CCL18: variants seen among roughly 807,000 people sequenced by gnomAD.
CCL18 encodes the protein C-C motif chemokine ligand 18.
A neutral mutation model predicts 8.0 loss-of-function variants in CCL18; 7 were observed. The ratio of observed to expected loss-of-function variants is 0.87; its 90% CI spans 0.50 to 1.64. CCL18 has a LOEUF of 1.64. Ranked by LOEUF, CCL18 falls within the 40% of genes most tolerant of loss-of-function variation. The pLI is 0.00. For missense variants in CCL18, 95 were observed against 107.8 expected (o/e 0.88, Z 0.52); for synonymous variants, 35 against 41.3 (o/e 0.85, Z 0.59).
At chr17:36,069,019 T>TA (rs144277762) in intron 1 of CCL18, among the ~76,000 whole-genome samples, 11,202 of 148,822 alleles carry the variant, frequency 0.075, 1,231 homozygotes, top group African/African-American at 0.25. Flanking sequence ...CCAGCTACTT[T>TA]AAAAAAAAAA....
intron 1 of CCL18, among the ~76,000 whole-genome samples, chr17:36,066,839 A>C (rs554524420): frequency 6.7e-4 from 102 of 152,360 alleles, no homozygotes; most frequent in African/African-American, 2.4e-3. Flanking sequence ...GAAAAGGACC[A>C]TTACATCGTG....
chr17:36,064,607 T>C (rs957941730), intron 1 of CCL18, among the ~76,000 whole-genome samples, 198 bp downstream of exon 1: 3 of 152,220 alleles, frequency 2.0e-5, no homozygotes, highest in Non-Finnish European at 4.4e-5. Context: ...AGAGAAGTTT[T>C]ATCCTACTGA....
Position 36,064,331 on chromosome 17 carries a change from C to T in CCL18, c.-12C>T. 2 of 1,612,804 alleles carry T rather than the reference C, an allele frequency of 1.2e-6. No individual in the cohort carries two copies. The highest frequency in any genetic ancestry group is 1.7e-6 in the Non-Finnish European group (2 of 1,178,812). On this transcript the variant is annotated 5_prime_UTR_variant, in exon 1 of 3. Transcript: ENST00000616054. ...CAGCTCACTCTGACCACTTCTCTGC[C>T]TGCCCAGCATCATGAAGGGCCTTGC...
intron 1 of CCL18, among the ~76,000 whole-genome samples, chr17:36,066,952 A>T (rs1383308290): frequency 1.3e-5 from 2 of 152,188 alleles, no homozygotes; most frequent in East Asian, 1.9e-4. Flanking sequence ...TCAAGAACAG[A>T]TCTATTTGTG....
At chr17:36,065,247 C>T (rs1357568048) in intron 1 of CCL18, among the ~76,000 whole-genome samples, 1 of 152,212 alleles carries the variant, frequency 6.6e-6, no homozygotes, top group African/African-American at 2.4e-5. Context: ...TTCCTGTCCT[C>T]TTAAATTCTT....
intron 2 of CCL18, 40 bp from the exon 3 acceptor site, chr17:36,070,911 T>G (rs983543287): frequency 7.0e-7 from 1 of 1,422,950 alleles, no homozygotes; most frequent in South Asian, 1.1e-5. Flanking sequence ...ATTCCCCTGA[T>G]GAATTCGTCA....
intron 1 of CCL18, among the ~76,000 whole-genome samples, chr17:36,068,355 G>T (rs937161188): frequency 7.9e-5 from 12 of 151,762 alleles, no homozygotes; most frequent in African/African-American, 2.9e-4. Flanking sequence ...CTAGGTTTGG[G>T]TACTAGAATT....
intron 1 of CCL18, among the ~76,000 whole-genome samples, chr17:36,065,625 C>T (rs575237293): frequency 5.9e-5 from 9 of 152,252 alleles, no homozygotes; most frequent in South Asian, 4.1e-4. Flanking sequence ...GTGCCTTAAC[C>T]GTGAGGGAAC....
intron 1 of CCL18, 44 bp downstream of exon 1, chr17:36,064,453 G>A (rs769541673): frequency 2.0e-6 from 3 of 1,480,954 alleles, no homozygotes; most frequent in South Asian, 1.1e-5. Context: ...CTGGGCAGAA[G>A]TCAGGCGACA....
At chr17:36,070,822 C>T (rs531030641) in intron 2 of CCL18, 129 bp from the exon 3 acceptor site, 13 of 776,726 alleles carry the variant, frequency 1.7e-5, no homozygotes, top group African/African-American at 6.9e-5. Context: ...CTGTGAACCC[C>T]GAAGTTAAGG....
chr17:36,064,324 T>A lies in CCL18; in HGVS notation c.-19T>A. 1 of 1,612,096 alleles carries A rather than the reference T, an allele frequency of 6.2e-7. No individual in the cohort carries two copies. The highest frequency in any genetic ancestry group is 1.3e-5 in the African/African-American group (1 of 74,958). ...CAAGCCCCAGCTCACTCTGACCACT[T>A]CTCTGCCTGCCCAGCATCATGAAGG... On this transcript the variant is annotated 5_prime_UTR_variant, in exon 1 of 3. Coordinates refer to ENST00000616054, the MANE Select transcript of CCL18 (RefSeq NM_002988.4).
At chr17:36,068,921 A>G (rs769921725) in intron 1 of CCL18, among the ~76,000 whole-genome samples, 5 of 152,122 alleles carry the variant, frequency 3.3e-5, no homozygotes, top group Non-Finnish European at 7.3e-5. Flanking sequence ...GTGCAGTGGC[A>G]TGATCAGAGC....
chr17:36,069,609 C>A (rs934197095), intron 1 of CCL18, among the ~76,000 whole-genome samples: 9 of 152,298 alleles, frequency 5.9e-5, no homozygotes, highest in Admixed American at 4.6e-4. Context: ...AAACAAAATT[C>A]CTCCTCAGTC....
At chr17:36,064,459 C>T (rs762858470) in intron 1 of CCL18, 50 bp downstream of exon 1, 31 of 1,425,554 alleles carry the variant, frequency 2.2e-5, no homozygotes, top group East Asian at 1.8e-4. Flanking sequence ...AGAAGTCAGG[C>T]GACATCTTCC....
chr17:36,069,197 G>A lies in CCL18; in HGVS notation c.68-1250G>A, dbSNP rs1475017633. Among the ~76,000 whole-genome samples the A allele has an allele frequency of 2.0e-5, 3 of 152,142 alleles. No individual in the cohort carries two copies. In the South Asian group the frequency reaches 6.2e-4, roughly 31 times the overall value. The stretch of plus-strand genomic sequence containing the variant: ...TCTATGCTGTTGGAACAGCTGGGGA[G>A]GCTATCAGAAGGTTCTGCTCAATGG... On this transcript the variant is annotated intron_variant, in intron 1 of 2. Coordinates refer to ENST00000616054, the MANE Select transcript of CCL18 (RefSeq NM_002988.4).
intron 2 of CCL18, 28 bp downstream of exon 2, chr17:36,070,586 TC>T (rs1288856038): frequency 1.5e-6 from 2 of 1,378,974 alleles, no homozygotes; most frequent in South Asian, 2.3e-5. Flanking sequence ...TGCCCACCCC[TC>T]GGGAGGGAGG....
chr17:36,071,302 T>C lies in CCL18; in HGVS notation c.*261T>C. 1 of 466,248 alleles carries C rather than the reference T, an allele frequency of 2.1e-6. No individual in the cohort carries two copies. The highest frequency in any genetic ancestry group is 3.7e-5 in the East Asian group (1 of 27,360). 28.9% of individuals were successfully genotyped at this position (466,248 alleles called of 1,614,324 possible). A position where few individuals can be genotyped will look rare whatever the true frequency, so the allele number is the denominator to read the frequency against. On this transcript the variant is annotated 3_prime_UTR_variant, in exon 3 of 3. Coordinates refer to ENST00000616054, the MANE Select transcript of CCL18 (RefSeq NM_002988.4). Reference sequence around the variant, plus strand: ...CATTGTCTTTATCATCCTTTCCCCTTTCCCTTCAACTCTTCGTACATTCAA... The same window carrying C: ...CATTGTCTTTATCATCCTTTCCCCTCTCCCTTCAACTCTTCGTACATTCAA...
rs2066825315 is a variant in CCL18 at position 36,064,281 on chromosome 17, C to A, written c.-62C>A. The A allele has an allele frequency of 7.9e-7, 1 of 1,267,120 alleles. No homozygotes were observed. Among genetic ancestry groups the A allele is most frequent in the Non-Finnish European group, 1.2e-6 (1 of 863,108 alleles). 78.5% of individuals were successfully genotyped at this position (1,267,120 alleles called of 1,614,324 possible). On this transcript the variant is annotated 5_prime_UTR_variant, in exon 1 of 3. Transcript: ENST00000616054. ...CAACAGCTCATACCCCAGAAGGAGGCCAGGAGTTGTGAGTTTCCAAGCCCC... is the reference window on the plus strand; with the variant it reads ...CAACAGCTCATACCCCAGAAGGAGGACAGGAGTTGTGAGTTTCCAAGCCCC...
chr17:36,065,626 G>A lies in CCL18; in HGVS notation c.67+1217G>A, dbSNP rs141477558. On this transcript the variant is annotated intron_variant, in intron 1 of 2. Coordinates refer to ENST00000616054, the MANE Select transcript of CCL18 (RefSeq NM_002988.4). The stretch of plus-strand genomic sequence containing the variant: ...CAGGAGACAATGGGGTGCCTTAACC[G>A]TGAGGGAACCAGCATCCAGAACCTG... Among the ~76,000 whole-genome samples the A allele has an allele frequency of 3.1e-3, 473 of 152,286 alleles. 3 individuals are homozygous for A. Among genetic ancestry groups the A allele is most frequent in the African/African-American group, 0.011 (458 of 41,566 alleles).
Sources: allele counts gnomAD v4.1 joint callset (sites outside exome capture counted in the v4.1 genomes callset), GRCh38; gene constraint gnomAD v4.1.1; transcripts MANE v1.5; gene names NCBI Gene and HGNC (gene_info 2026-07-23, HGNC 2026-07-21).